BRF1: variants seen among roughly 807,000 people sequenced by gnomAD.
BRF1 encodes the protein BRF1 general transcription factor IIIB subunit.
In BRF1, 59 loss-of-function variants were observed where a neutral mutation model predicts 81.7. The observed-to-expected ratio is 0.72, with a 90% CI of 0.59 to 0.90. The LOEUF is 0.90. Ranked by LOEUF, BRF1 falls within the 40% of genes least tolerant of loss-of-function variation. The pLI is 0.00. For missense variants in BRF1, 1,050 were observed against 936.3 expected (o/e 1.12, Z -1.58); for synonymous variants, 491 against 395.6 (o/e 1.24, Z -2.86).
At chr14:105,216,768 G>C (rs969804860) in intron 15 of BRF1, among the ~76,000 whole-genome samples, 1 of 152,242 alleles carries the variant, frequency 6.6e-6, no homozygotes, top group Admixed American at 6.5e-5. Flanking sequence ...GACAACGCAA[G>C]AGATCCCAAG....
chr14:105,278,460 C>T (rs1168612308), intron 2 of BRF1, among the ~76,000 whole-genome samples: 1 of 150,970 alleles, frequency 6.6e-6, no homozygotes, highest in African/African-American at 2.4e-5. Flanking sequence ...AGATTTGAGG[C>T]ATATCACCAC....
rs924941304 is a variant in BRF1 at position 105,210,321 on chromosome 14, G to A, written c.*230C>T. The A allele has an allele frequency of 3.4e-5, 19 of 563,308 alleles. No homozygotes were observed. Among genetic ancestry groups the A allele is most frequent in the Non-Finnish European group, 5.1e-5 (16 of 314,422 alleles). 34.9% of individuals were successfully genotyped at this position (563,308 alleles called of 1,614,324 possible). A position where few individuals can be genotyped will look rare whatever the true frequency, so the allele number is the denominator to read the frequency against. On this transcript the variant is annotated 3_prime_UTR_variant, in exon 18 of 18. Coordinates refer to ENST00000547530, the MANE Select transcript of BRF1 (RefSeq NM_001519.4). This position sits in a 1 kb window ranked among gnomAD's most constrained non-coding sequence, Gnocchi z 4.7. The stretch of plus-strand genomic sequence containing the variant: ...GCGGGACCCAGCCCTGCACACACCC[G>A]GCCCACATCTGATCACACACATGCA...
At chr14:105,289,199 G>A (rs587704597) in intron 1 of BRF1, among the ~76,000 whole-genome samples, 9 of 152,002 alleles carry the variant, frequency 5.9e-5, no homozygotes, top group African/African-American at 1.2e-4. Context: ...AAAAATGAGC[G>A]GGGTATGGTA....
intron 9 of BRF1, 25 bp from the exon 10 acceptor site, chr14:105,226,186 A>G (rs1345447664): frequency 1.9e-6 from 3 of 1,613,928 alleles, no homozygotes; most frequent in Non-Finnish European, 2.5e-6. Context: ...TAAAAGCAAA[A>G]AGTCAGCATA....
In BRF1 at chr14:105,224,929, T is replaced by C. The variant is rs4983592; in HGVS notation, c.1048+1140A>G. 6.6e-5 allele frequency among the ~76,000 whole-genome samples: 10 copies of C among 152,318 alleles called. No homozygotes were observed. In the East Asian group the frequency reaches 1.9e-3, roughly 29 times the overall value. ...GCACTGAGTCCCGGAGGGGTCCCCA[T>C]GGTGAGGAATGGCTCCTTGGGGGAA... On this transcript the variant is annotated intron_variant, in intron 10 of 17. Coordinates refer to ENST00000547530, the MANE Select transcript of BRF1 (RefSeq NM_001519.4).
At chr14:105,243,782 C>T (rs866450420) in intron 5 of BRF1, among the ~76,000 whole-genome samples, 5 of 151,544 alleles carry the variant, frequency 3.3e-5, no homozygotes, top group East Asian at 1.9e-4. Flanking sequence ...GATCACCTGA[C>T]GTCAGGAATT....
intron 2 of BRF1, among the ~76,000 whole-genome samples, chr14:105,275,707 G>C (rs1175055197): frequency 6.6e-6 from 1 of 152,272 alleles, no homozygotes. Context: ...CGTGTTCCCA[G>C]CATGCAGGGC....
chr14:105,229,251 A>C (rs2054313671), intron 6 of BRF1, among the ~76,000 whole-genome samples: 2 of 152,204 alleles, frequency 1.3e-5, no homozygotes, highest in Admixed American at 1.3e-4. Flanking sequence ...GGGGACTCTG[A>C]GGATGCGGAG....
Position 105,227,106 on chromosome 14 carries a change from ATT to A in BRF1, c.789-348_789-347del, listed in dbSNP as rs587631162. ...CCTCCAGCCTGGGCAGCAGAGTGAG[ATT>A]TTGTCTCAAAAAATACATAAAAAAT... On this transcript the variant is annotated intron_variant, in intron 7 of 17. Transcript: ENST00000547530. The A allele has an allele frequency of 1.6e-3, 402 of 255,302 alleles. 2 individuals carry two copies. Among genetic ancestry groups the A allele is most frequent in the African/African-American group, 8.9e-3 (380 of 42,862 alleles). The allele number at this position is 255,302 out of a possible 1,614,324, so 15.8% of individuals were successfully genotyped here.
rs2056632371 is a variant in BRF1, at chr14:105,271,067, GA to G, written c.439+1653del. 6.6e-6 allele frequency among the ~76,000 whole-genome samples: 1 copy of G among 152,176 alleles called. No homozygotes were observed. The highest frequency in any genetic ancestry group is 6.5e-5 in the Admixed American group (1 of 15,282). On this transcript the variant is annotated intron_variant, in intron 3 of 17. Coordinates refer to ENST00000547530, the MANE Select transcript of BRF1 (RefSeq NM_001519.4). This position sits in a 1 kb window ranked among gnomAD's most constrained non-coding sequence, Gnocchi z 5.5. The stretch of plus-strand genomic sequence containing the variant: ...ATAAAAAAGATTCGGAAAAGACCCA[GA>G]GCTCTTAGAGATGAAAAACATGAAA...
intron 5 of BRF1, chr14:105,242,367 A>C (rs766673642): frequency 2.0e-5 from 3 of 152,312 alleles, no homozygotes; most frequent in Admixed American, 2.0e-4. Context: ...TAGATAATTT[A>C]AAACAATTGC....
intron 4 of BRF1, among the ~76,000 whole-genome samples, chr14:105,253,598 T>C (rs1186094771): frequency 6.6e-6 from 1 of 152,218 alleles, no homozygotes; most frequent in African/African-American, 2.4e-5. Flanking sequence ...AAGGGTCCTG[T>C]CTGCGCTAGA....
intron 2 of BRF1, among the ~76,000 whole-genome samples, chr14:105,280,574 C>T (rs778209938): frequency 2.6e-5 from 4 of 151,944 alleles, no homozygotes; most frequent in African/African-American, 4.8e-5. Flanking sequence ...ATCCTGAGCC[C>T]GCGTGCGCAG....
intron 10 of BRF1, 73 bp downstream of exon 10, chr14:105,225,996 G>A (rs1893025211): frequency 7.1e-7 from 1 of 1,414,962 alleles, no homozygotes; most frequent in Middle Eastern, 2.4e-4. Flanking sequence ...GTCTTTTTCT[G>A]ATCCTGAAGA....
intron 3 of BRF1, among the ~76,000 whole-genome samples, chr14:105,260,066 CCA>C (rs2056076091): frequency 6.6e-6 from 1 of 152,172 alleles, no homozygotes; most frequent in Non-Finnish European, 1.5e-5. Context: ...TGAGGTCTGT[CCA>C]CAGAGCCCTG....
upstream of BRF1, among the ~76,000 whole-genome samples, chr14:105,303,728 G>A (rs368588560): frequency 1.8e-4 from 28 of 152,096 alleles, no homozygotes; most frequent in African/African-American, 6.3e-4. Context: ...ATTTCCTCCC[G>A]GATCCAAGGG....
At chr14:105,261,882 C>T (rs1295777266) in intron 3 of BRF1, among the ~76,000 whole-genome samples, 4 of 152,252 alleles carry the variant, frequency 2.6e-5, no homozygotes, top group African/African-American at 9.6e-5. Context: ...TGATGCCCAG[C>T]ACTGCACCGG....
intron 6 of BRF1, among the ~76,000 whole-genome samples, chr14:105,229,428 C>G (rs142363123): frequency 6.6e-6 from 1 of 152,228 alleles, no homozygotes; most frequent in African/African-American, 2.4e-5. Flanking sequence ...GGTACCTGGC[C>G]TGCCGGGTAG....
chr14:105,220,041 C>T, intron 12 of BRF1, 28 bp downstream of exon 12: 2 of 1,609,672 alleles, frequency 1.2e-6, no homozygotes. Context: ...AAGCCCAGCC[C>T]CTCTTGGGAA....
Sources: gnomAD v4.1 joint callset for allele counts (sites outside exome capture counted in the v4.1 genomes callset) on GRCh38, gnomAD v4.1.1 for gene constraint, Gnocchi (gnomAD v3.1) non-coding constraint, MANE v1.5 for transcripts, NCBI Gene and HGNC (gene_info 2026-07-23, HGNC 2026-07-21) for gene names.